Variants in TTN observed in about 807,000 individuals in gnomAD.
TTN encodes titin.
Under a neutral mutation model 3,223.0 loss-of-function variants are expected in TTN, and 1,525 were observed. The ratio of observed to expected loss-of-function variants is 0.47; its 90% CI spans 0.45 to 0.49. The LOEUF (loss-of-function observed/expected upper bound fraction) is 0.49. TTN is among the 20% of genes least tolerant of loss of function. TTN has a pLI of 0.00. For synonymous variants in TTN, 14,094 were observed against 15,161.0 expected (o/e 0.93, Z 5.17); for missense variants, 40,786 against 43,424.0 (o/e 0.94, Z 5.40).
In TTN at chr2:178,590,842, G is replaced by A; in HGVS notation, c.60883C>T (p.Pro20295Ser). 6.2e-7 allele frequency: 1 copy of A among 1,607,172 alleles called. No homozygotes were observed. Among genetic ancestry groups the A allele is most frequent in the South Asian group, 1.1e-5 (1 of 90,940 alleles). Residue 20295 changes from proline (P) to serine (S), a missense_variant, in exon 304 of 363, where the codon CCA (proline) becomes TCA (serine). Coordinates refer to ENST00000589042, the MANE Select transcript of TTN (RefSeq NM_001267550.2). ...ENAATVSWTL[P>S]KSDGGSPITG... ...ATTGGACTGCCACCATCAGATTTTG[G>A]CAGGGTCCAAGACACTGTTGCTGCA...
intron 2 of TTN, among the ~76,000 whole-genome samples, chr2:178,803,455 G>A (rs1022337427): frequency 1.3e-5 from 2 of 151,112 alleles, no homozygotes; most frequent in African/African-American, 4.9e-5. Flanking sequence ...ATTTTCTATT[G>A]TACATATATA....
At chr2:178,722,183 C>A (rs767418371) in intron 77 of TTN, 49 bp from the exon 78 acceptor site, 8 of 1,524,140 alleles carry the variant, frequency 5.2e-6, no homozygotes, top group Non-Finnish European at 7.0e-6. Flanking sequence ...TGTTTTTTTG[C>A]CATTGGTCGT....
At position 178,769,721 on chromosome 2, in the gene TTN, C is replaced by A. The variant is rs762256991; in HGVS notation, c.8860G>T (p.Val2954Phe). ...GCACTGACTTGGTCATTGCCACAGACAAATGTGTATTCTGCCGAGTCCTCT... is the reference window on the plus strand; with the variant it reads ...GCACTGACTTGGTCATTGCCACAGAAAAATGTGTATTCTGCCGAGTCCTCT... ...STEDSAEYTF[V>F]CGNDQVSATL... Residue 2954 changes from valine (V) to phenylalanine (F), a missense_variant, in exon 37 of 363, where the codon GTC becomes TTC. Physicochemically the swap from Val to Phe is conservative, Grantham distance 50. Transcript: ENST00000589042. 1.2e-5 allele frequency: 19 copies of A among 1,613,500 alleles called. No homozygotes were observed.
Position 178,675,991 on chromosome 2 carries a change from AG to A in TTN, c.34382del (p.Pro11461LeufsTer7). The stretch of plus-strand genomic sequence containing the variant: ...TCTCTGTCACTTTCTTCTTAATTTC[AG>A]GCACTTTAAAGACATCATTTCATGA... ...KVEPPPPPKV[P>X]EIKKKVTEKK... is the part of the protein sequence containing the mutation. On this transcript the variant is annotated frameshift_variant, in exon 148 of 363. Coordinates refer to ENST00000589042, the MANE Select transcript of TTN (RefSeq NM_001267550.2). LOFTEE classifies it high-confidence loss of function. 1 of 1,597,344 alleles carries A rather than the reference AG, an allele frequency of 6.3e-7. No homozygotes were observed. The highest frequency in any genetic ancestry group is 8.5e-7 in the Non-Finnish European group (1 of 1,170,642).
In TTN at chr2:178,560,698, A is replaced by G. The variant is rs756440218; in HGVS notation, c.85434T>C (p.Asp28478=). Reference sequence around the variant, plus strand: ...TGTAATAGTCGATATCTGCACCACCATCTTCTTGGGGACGTCCCCAGGAAA... The same window carrying G: ...TGTAATAGTCGATATCTGCACCACCGTCTTCTTGGGGACGTCCCCAGGAAA... ...CSLSWGRPQE[D]GGADIDYYIV... is the part of the protein sequence containing the mutation. Residue 28478 remains aspartate (D), a synonymous_variant, in exon 326 of 363, where the codon GAT becomes GAC. Coordinates refer to ENST00000589042, the MANE Select transcript of TTN (RefSeq NM_001267550.2). 2 of 1,613,686 alleles carry G rather than the reference A, an allele frequency of 1.2e-6. No individual in the cohort carries two copies. Among genetic ancestry groups the G allele is most frequent in the Non-Finnish European group, 1.7e-6 (2 of 1,179,798 alleles).
rs774604740 is a variant in TTN at position 178,570,016 on chromosome 2, A to AT, written c.76115dup (p.Asn25372LysfsTer5). On this transcript the variant is annotated frameshift_variant, in exon 326 of 363. Coordinates refer to ENST00000589042, the MANE Select transcript of TTN (RefSeq NM_001267550.2). LOFTEE classifies it high-confidence loss of function. The stretch of plus-strand genomic sequence containing the variant: ...CAGAAACTCTGAACTCATAATCGTG[A>AT]TTTTCTATGAGTCCAGTTACTCTCA... The AT allele has an allele frequency of 1.2e-6, 2 of 1,612,946 alleles. No homozygotes were observed. Among genetic ancestry groups the AT allele is most frequent in the Non-Finnish European group, 1.7e-6 (2 of 1,179,432 alleles).
In TTN at chr2:178,712,470, T is replaced by C. The variant is rs752655439; in HGVS notation, c.27452A>G (p.Asn9151Ser). 8.7e-6 allele frequency: 14 copies of C among 1,613,656 alleles called. No homozygotes were observed. In the South Asian group the frequency reaches 1.5e-4, roughly 18 times the overall value. Reference protein sequence around the residue: ...ISVTWKKNGINVTPSQRCNIT... With the variant: ...ISVTWKKNGISVTPSQRCNIT... ...ATTACACCTCTGAGAAGGAGTTACA[T>C]TTATGCCATTTTTCTTCCAGGTAAC... Residue 9151 changes from asparagine to serine, a missense_variant, in exon 95 of 363, where the codon AAT becomes AGT. Physicochemically the swap from Asn to Ser is conservative, Grantham distance 46. Transcript: ENST00000589042.
chr2:178,614,517 C>A lies in TTN; in HGVS notation c.48997G>T (p.Ala16333Ser), dbSNP rs756253347. ...RSDTGTYIIEAVNVCGRATAV... is the reference protein window; with the variant it reads ...RSDTGTYIIESVNVCGRATAV... The stretch of plus-strand genomic sequence containing the variant: ...GTGGCCCGGCCACACACATTCACAG[C>A]CTCAATGATATATGTGCCAGTGTCA... Residue 16333 changes from alanine to serine, a missense_variant, in exon 261 of 363, where the codon GCT (alanine) becomes TCT (serine). By Grantham distance (99) the Ala-to-Ser change is moderately conservative. Transcript: ENST00000589042. The A allele has an allele frequency of 6.2e-7, 1 of 1,612,124 alleles. No homozygotes were observed. The highest frequency in any genetic ancestry group is 2.2e-5 in the East Asian group (1 of 44,584).
intron 250 of TTN, chr2:178,619,156 A>T: frequency 2.4e-6 from 1 of 422,750 alleles, no homozygotes; most frequent in Non-Finnish European, 4.2e-6. Context: ...TTGTTTTTTG[A>T]TAGAGTAGGC....
chr2:178,632,386 A>G lies in TTN; in HGVS notation c.43508T>C (p.Leu14503Pro). 5 of 1,598,212 alleles carry G rather than the reference A, an allele frequency of 3.1e-6. No individual in the cohort carries two copies. The highest frequency in any genetic ancestry group is 4.3e-6 in the Non-Finnish European group (5 of 1,172,722). ...EGIRLKFLTP[L>P]KDVTAKEKES... is the part of the protein sequence containing the mutation. ...CTTCTCTTTGGCAGTTACATCTTTG[A>G]GAGGGGTGAGGAATTTGAGCCGGAT... is the stretch of plus-strand genomic sequence containing the variant. The change falls in exon 236 of 363, where the codon CTC (leucine) becomes CCC (proline). Residue 14503 changes from leucine to proline, a missense_variant. Leu to Pro is a moderately conservative substitution (Grantham distance 98, BLOSUM62 -3). Coordinates refer to ENST00000589042, the MANE Select transcript of TTN (RefSeq NM_001267550.2).
At position 178,564,196 on chromosome 2, in the gene TTN, A is replaced by G. The variant is rs2154162187; in HGVS notation, c.81936T>C (p.Asp27312=). Residue 27312 remains aspartate, a synonymous_variant, in exon 326 of 363, where the codon GAT becomes GAC. Transcript: ENST00000589042. ...CAGCTGTTTCTTCAAGTTCTTTTCC[A>G]TCTTTTGACCAAACAACATCAGGTA... ...KPIPDVVWSK[D]GKELEETAAR... 3 of 1,613,598 alleles carry G rather than the reference A, an allele frequency of 1.9e-6. No individual in the cohort carries two copies. The highest frequency in any genetic ancestry group is 1.1e-5 in the South Asian group (1 of 91,076).
rs372008728 is a variant in TTN, at chr2:178,770,092, T to A, written c.8609A>T (p.Gln2870Leu). 4 of 1,614,048 alleles carry A rather than the reference T, an allele frequency of 2.5e-6. No homozygotes were observed. ...DAGEYTAVVGQLECKAKLFVE... is the reference protein window; with the variant it reads ...DAGEYTAVVGLLECKAKLFVE... ...AAACAGTTTTGCTTTGCATTCCAATTGCCCGACCACAGCTGTGTATTCCCC... is the reference window on the plus strand; with the variant it reads ...AAACAGTTTTGCTTTGCATTCCAATAGCCCGACCACAGCTGTGTATTCCCC... The change falls in exon 36 of 363, where the codon CAA (glutamine) becomes CTA (leucine). Residue 2870 changes from glutamine to leucine, a missense_variant. Coordinates refer to ENST00000589042, the MANE Select transcript of TTN (RefSeq NM_001267550.2).
At position 178,545,977 on chromosome 2, in the gene TTN, G is replaced by A. The variant is rs72648258; in HGVS notation, c.95259C>T (p.Leu31753=). 9.9e-3 allele frequency: 16,051 copies of A among 1,613,812 alleles called. 97 individuals carry two copies. The highest frequency in any genetic ancestry group is 0.012 in the Non-Finnish European group (14,700 of 1,179,798). The part of the protein sequence containing the change: ...YIVERRETSR[L]NWVIVEGECP... Reference sequence around the variant, plus strand: ...ATTCGCCTTCAACAATCACCCAGTTGAGCCTGCTAGTCTCGCGTCTTTCCA... The same window carrying A: ...ATTCGCCTTCAACAATCACCCAGTTAAGCCTGCTAGTCTCGCGTCTTTCCA... Residue 31753 remains leucine, a synonymous_variant, in exon 343 of 363, where the codon CTC becomes CTT. Transcript: ENST00000589042.
In TTN at chr2:178,731,334, T is replaced by G. The variant is rs776791851; in HGVS notation, c.17432A>C (p.Gln5811Pro). The G allele has an allele frequency of 6.2e-7, 1 of 1,613,716 alleles. No individual in the cohort carries two copies. Among genetic ancestry groups the G allele is most frequent in the African/African-American group, 1.3e-5 (1 of 74,930 alleles). Reference protein sequence around the residue: ...VCQAKNDAGIQRCSALLSVKE... With the variant: ...VCQAKNDAGIPRCSALLSVKE... Reference sequence around the variant, plus strand: ...TACTGAGAGTAATGCAGAACATCTTTGTATTCCTGCATCATTTTTGGCCTG... The same window carrying G: ...TACTGAGAGTAATGCAGAACATCTTGGTATTCCTGCATCATTTTTGGCCTG... The change falls in exon 59 of 363, where the codon CAA (glutamine) becomes CCA (proline). Residue 5811 changes from glutamine (Q) to proline (P), a missense_variant. By Grantham distance (76) the Gln-to-Pro change is moderately conservative. Coordinates refer to ENST00000589042, the MANE Select transcript of TTN (RefSeq NM_001267550.2).
chr2:178,804,692 C>T, intron 1 of TTN, 37 bp from the exon 2 acceptor site: 1 of 1,581,864 alleles, frequency 6.3e-7, no homozygotes, highest in Non-Finnish European at 8.7e-7. Context: ...GGTGTCCCAG[C>T]TAAGGGTCAC....
rs994825543 is a variant in TTN at position 178,566,454 on chromosome 2, T to C, written c.79678A>G (p.Lys26560Glu). The C allele has an allele frequency of 3.1e-6, 5 of 1,613,512 alleles. No homozygotes were observed. The highest frequency in any genetic ancestry group is 3.4e-6 in the Non-Finnish European group (4 of 1,179,690). ...TTGTTGAGGGCACAGACTCGTATTT[T>C]ATACTCTTGGTGTTCAGTGAGTTTT... The part of the protein sequence containing the change: ...ISKLTEHQEY[K>E]IRVCALNKVG... Residue 26560 changes from lysine (K) to glutamate (E), a missense_variant, in exon 326 of 363, where the codon AAA becomes GAA. By Grantham distance (56) the Lys-to-Glu change is moderately conservative. Transcript: ENST00000589042.
intron 336 of TTN, chr2:178,550,708 G>T: frequency 2.0e-6 from 1 of 491,052 alleles, no homozygotes; most frequent in Non-Finnish European, 3.6e-6. Context: ...ACTGTTAAGT[G>T]GCGAAAATTA....
chr2:178,702,081 A>T lies in TTN; in HGVS notation c.30512-15T>A, dbSNP rs768015674. 2 of 1,612,056 alleles carry T rather than the reference A, an allele frequency of 1.2e-6. No individual in the cohort carries two copies. Among genetic ancestry groups the T allele is most frequent in the African/African-American group, 2.7e-5 (2 of 74,758 alleles). On this transcript the variant is annotated splice_polypyrimidine_tract_variant and intron_variant, in intron 108 of 362. Coordinates refer to ENST00000589042, the MANE Select transcript of TTN (RefSeq NM_001267550.2). ...AAGTTTGATTTCTGCAAAATAAAAA[A>T]AAAATGATATTTTTGTGTTCAGAAT...
Position 178,688,130 on chromosome 2 carries a change from T to C in TTN, c.32292A>G (p.Ala10764=). The change falls in exon 127 of 363, where the codon GCA becomes GCG. Residue 10764 remains alanine (A), a synonymous_variant. Coordinates refer to ENST00000589042, the MANE Select transcript of TTN (RefSeq NM_001267550.2). ...REEEREEEEE[A]EVTEYEVMEE... is the part of the protein sequence containing the mutation. ...GTTTACCTTCATATTCTGTAACCTC[T>C]GCTTCTTCCTCCTCCTCTCTTTCTT... 1 of 1,612,892 alleles carries C rather than the reference T, an allele frequency of 6.2e-7. No individual in the cohort carries two copies. Among genetic ancestry groups the C allele is most frequent in the Non-Finnish European group, 8.5e-7 (1 of 1,179,660 alleles).
Sources: gnomAD v4.1 joint callset for allele counts (sites outside exome capture counted in the v4.1 genomes callset) on GRCh38, gnomAD v4.1.1 for gene constraint, MANE v1.5 for transcripts, NCBI Gene and HGNC (gene_info 2026-07-23, HGNC 2026-07-21) for gene names.